Variants in DNAH8 observed in about 807,000 individuals in gnomAD.
The protein encoded by DNAH8 is axonemal beta dynein heavy chain 8.
DNAH8 carries 382 observed loss-of-function variants against 562.1 expected under a neutral mutation model. That is an observed-to-expected ratio of 0.68 (90% CI 0.63 to 0.74). DNAH8 has a LOEUF of 0.74. Ranked by LOEUF, DNAH8 falls within the 30% of genes least tolerant of loss-of-function variation. The pLI is 0.00. For missense variants in DNAH8, 5,203 were observed against 5,620.4 expected, an observed-to-expected ratio of 0.93 and a Z score of 2.37; for synonymous variants, 1,881 against 1,919.4, an observed-to-expected ratio of 0.98 and a Z score of 0.52.
chr6:38,872,194 G>C (rs1211118639), intron 49 of DNAH8, among the ~76,000 whole-genome samples: 3 of 152,152 alleles, frequency 2.0e-5, no homozygotes, highest in Admixed American at 6.5e-5. Flanking sequence ...CATCACATTG[G>C]ATGCCGAGAA....
At chr6:38,870,222 G>C (rs1219698169) in intron 48 of DNAH8, among the ~76,000 whole-genome samples, 179 bp from the exon 49 acceptor site, 1 of 152,108 alleles carries the variant, frequency 6.6e-6, no homozygotes, top group African/African-American at 2.4e-5. Context: ...ATTTGGGTAG[G>C]GACACAGCCA....
chr6:38,945,595 C>T lies in DNAH8; in HGVS notation c.12129+7C>T. The T allele has an allele frequency of 6.2e-7, 1 of 1,613,750 alleles. No homozygotes were observed. The highest frequency in any genetic ancestry group is 8.5e-7 in the Non-Finnish European group (1 of 1,179,816). On this transcript the variant is annotated splice_region_variant and intron_variant, in intron 80 of 92. Coordinates refer to ENST00000327475, the MANE Select transcript of DNAH8 (RefSeq NM_001206927.2). ...TGCAGAAATTATGAACCAGGTAATA[C>T]AATAAAGGGCTGGTTGAAAGTGCAG... is the stretch of plus-strand genomic sequence containing the variant.
At chr6:38,766,461 G>A (rs935951564) in intron 11 of DNAH8, among the ~76,000 whole-genome samples, 21 of 152,138 alleles carry the variant, frequency 1.4e-4, no homozygotes, top group Admixed American at 4.6e-4. Context: ...GTAATGTACT[G>A]TATGATGACT....
intron 88 of DNAH8, among the ~76,000 whole-genome samples, chr6:38,996,350 A>T (rs1185597173): frequency 6.6e-6 from 1 of 152,120 alleles, no homozygotes; most frequent in African/African-American, 2.4e-5. Context: ...CCTTTAAAAC[A>T]TCAATATGCC....
chr6:38,927,420 T>A (rs114467809), intron 74 of DNAH8, among the ~76,000 whole-genome samples: 1,961 of 152,304 alleles, frequency 0.013, 36 homozygotes, highest in Middle Eastern at 0.037. Context: ...CAGAACACGA[T>A]ACATCAGTCT....
chr6:39,024,424 A>G (rs564477024), intron 91 of DNAH8, among the ~76,000 whole-genome samples: 2 of 152,364 alleles, frequency 1.3e-5, no homozygotes, highest in African/African-American at 4.8e-5. Flanking sequence ...TGACATTTTC[A>G]TGGAGTGCCT....
chr6:38,933,695 G>T (rs1054762910), intron 76 of DNAH8, among the ~76,000 whole-genome samples: 1 of 152,078 alleles, frequency 6.6e-6, no homozygotes, highest in Admixed American at 6.5e-5. Flanking sequence ...GCTCTTTATC[G>T]CCCCATCAAC....
chr6:38,733,299 AT>A (rs966906754), intron 4 of DNAH8, among the ~76,000 whole-genome samples: 1 of 152,200 alleles, frequency 6.6e-6, no homozygotes, highest in Non-Finnish European at 1.5e-5. Context: ...TAATTCTCAT[AT>A]TTTTAATAGT....
intron 32 of DNAH8, 39 bp downstream of exon 32, chr6:38,834,680 A>G: frequency 6.8e-7 from 1 of 1,472,190 alleles, no homozygotes; most frequent in Non-Finnish European, 9.3e-7. Context: ...ACAATGTGTA[A>G]TTTAAAAAAT....
intron 9 of DNAH8, among the ~76,000 whole-genome samples, chr6:38,755,408 T>C (rs1367799046): frequency 6.6e-6 from 1 of 152,182 alleles, no homozygotes. Context: ...TACTTGTTTG[T>C]GTTTATCTCT....
chr6:38,919,107 C>T (rs1219832899), intron 70 of DNAH8, among the ~76,000 whole-genome samples: 1 of 151,928 alleles, frequency 6.6e-6, no homozygotes, highest in African/African-American at 2.4e-5. Context: ...AAAGAAAACA[C>T]ACACACACAT....
chr6:38,741,834 A>G lies in DNAH8; in HGVS notation c.1240A>G (p.Ser414Gly). 1 of 1,614,114 alleles carries G rather than the reference A, an allele frequency of 6.2e-7. No homozygotes were observed. Among genetic ancestry groups the G allele is most frequent in the Non-Finnish European group, 8.5e-7 (1 of 1,179,994 alleles). ...NYIIEQIKGPSCKAVINVLNV... is the reference protein window; with the variant it reads ...NYIIEQIKGPGCKAVINVLNV... ...TATCATTGAGCAGATTAAAGGGCCAAGTTGTAAGGCTGTCATAAATGTGCT... is the reference window on the plus strand; with the variant it reads ...TATCATTGAGCAGATTAAAGGGCCAGGTTGTAAGGCTGTCATAAATGTGCT... Residue 414 changes from serine to glycine, a missense_variant, in exon 8 of 93, where the codon AGT (serine) becomes GGT (glycine). Ser to Gly is a moderately conservative substitution (Grantham distance 56). This residue lies in a region of DNAH8 where 2,176 missense variants were observed against 2,365.1 expected (regional missense o/e 0.92). Coordinates refer to ENST00000327475, the MANE Select transcript of DNAH8 (RefSeq NM_001206927.2).
At chr6:38,982,154 C>A (rs1302171706) in intron 85 of DNAH8, among the ~76,000 whole-genome samples, 192 bp from the exon 86 acceptor site, 1 of 152,190 alleles carries the variant, frequency 6.6e-6, no homozygotes. Context: ...GAGGAAATTG[C>A]TTAATGATGC....
chr6:38,834,293 T>C (rs908667504), intron 31 of DNAH8, among the ~76,000 whole-genome samples: 1 of 152,188 alleles, frequency 6.6e-6, no homozygotes, highest in Non-Finnish European at 1.5e-5. Flanking sequence ...GAATGGAAGA[T>C]AGAGTGATGA....
intron 26 of DNAH8, among the ~76,000 whole-genome samples, chr6:38,820,423 T>C (rs567997999): frequency 2.6e-5 from 4 of 152,324 alleles, no homozygotes; most frequent in African/African-American, 9.6e-5. Context: ...CGCTATTCTA[T>C]ATCCTATAAC....
intron 48 of DNAH8, among the ~76,000 whole-genome samples, chr6:38,869,347 T>G (rs78421796): frequency 2.4e-4 from 37 of 152,082 alleles, no homozygotes; most frequent in African/African-American, 8.9e-4. Flanking sequence ...CTCCTGCCAG[T>G]ATACCTCACT....
At chr6:38,747,708 C>T (rs1215155832) in intron 8 of DNAH8, among the ~76,000 whole-genome samples, 1 of 152,184 alleles carries the variant, frequency 6.6e-6, no homozygotes. Context: ...TTCTTGTAAT[C>T]ATCATAACTT....
At chr6:38,735,882 A>G (rs1448681822) in intron 5 of DNAH8, among the ~76,000 whole-genome samples, 1 of 152,000 alleles carries the variant, frequency 6.6e-6, no homozygotes, top group Non-Finnish European at 1.5e-5. Context: ...CTTACCCTGT[A>G]CTCCCGGCAC....
In DNAH8 at chr6:39,016,589, TA is replaced by T. The variant is rs544933118; in HGVS notation, c.13714+3956del. On this transcript the variant is annotated intron_variant, in intron 91 of 92. Transcript: ENST00000327475. The stretch of plus-strand genomic sequence containing the variant: ...AAGAAAAAAGCCCTACATATTTAAG[TA>T]AAACACAGTGCAGTTTGTATAAAGG... 8.4e-4 allele frequency among the ~76,000 whole-genome samples: 127 copies of T among 151,398 alleles called. 4 individuals are homozygous for T. The South Asian group carries it at 0.025, about 29-fold the overall frequency.
Sources: allele counts gnomAD v4.1 joint callset (sites outside exome capture counted in the v4.1 genomes callset), GRCh38; gene constraint gnomAD v4.1.1; regional missense constraint gnomAD v4.1.1; transcripts MANE v1.5; gene names NCBI Gene and HGNC (gene_info 2026-07-23, HGNC 2026-07-21).